DNAH14: variants seen among roughly 807,000 people sequenced by gnomAD.
DNAH14 encodes dynein axonemal heavy chain 14.
In DNAH14, 478 loss-of-function variants were observed where a neutral mutation model predicts 520.9. That is an observed-to-expected ratio of 0.92 (90% CI 0.85 to 0.99). DNAH14 has a LOEUF of 0.99. Ranked by LOEUF, DNAH14 falls within the 50% of genes least tolerant of loss-of-function variation. The pLI is 0.00. For missense variants in DNAH14, 4,831 were observed against 5,234.5 expected (o/e 0.92, Z 2.38); for synonymous variants, 1,581 against 1,757.2 (o/e 0.90, Z 2.51).
chr1:225,361,004 G>A lies in DNAH14; in HGVS notation c.11987+113G>A, dbSNP rs950593803. On this transcript the variant is annotated intron_variant, in intron 75 of 85. Coordinates refer to ENST00000682510, the MANE Select transcript of DNAH14 (RefSeq NM_001367479.1). ...AAACAATAGCAAAATAATGTGCTGA[G>A]CCACTCAGATGAAACTTAACCTATC... The A allele has an allele frequency of 1.5e-4, 144 of 986,244 alleles. 1 individual carries two copies. The Middle Eastern group carries it at 1.5e-3, about 10-fold the overall frequency. The allele number at this position is 986,244 out of a possible 1,614,324, so 61.1% of individuals were successfully genotyped here.
intron 46 of DNAH14, among the ~76,000 whole-genome samples, chr1:225,260,309 G>A (rs1055809767): frequency 1.4e-4 from 21 of 149,022 alleles, no homozygotes; most frequent in Admixed American, 1.0e-3. Context: ...CCAAGATTGC[G>A]CCATTGTACT....
intron 1 of DNAH14, among the ~76,000 whole-genome samples, chr1:224,944,035 A>G (rs2059617782): frequency 6.6e-6 from 1 of 152,160 alleles, no homozygotes; most frequent in South Asian, 2.1e-4. Context: ...GCTGAGTTCA[A>G]TTCCTGGATA....
intron 41 of DNAH14, among the ~76,000 whole-genome samples, 161 bp downstream of exon 41, chr1:225,207,381 A>G (rs1004803440): frequency 2.6e-5 from 4 of 152,250 alleles, no homozygotes; most frequent in Non-Finnish European, 5.9e-5. Context: ...AAAACCATTT[A>G]TAGAGGAACA....
chr1:225,145,442 T>C, intron 30 of DNAH14, 63 bp downstream of exon 30: 5 of 1,270,266 alleles, frequency 3.9e-6, no homozygotes. Flanking sequence ...AACAATTCAT[T>C]GAAGAATAAA....
chr1:225,148,167 G>C (rs2080129769), intron 31 of DNAH14, among the ~76,000 whole-genome samples: 1 of 152,062 alleles, frequency 6.6e-6, no homozygotes, highest in Non-Finnish European at 1.5e-5. Flanking sequence ...GGATTGCTGG[G>C]TCAAATGGTA....
chr1:225,376,031 T>C (rs569632526), intron 78 of DNAH14, among the ~76,000 whole-genome samples: 8 of 150,148 alleles, frequency 5.3e-5, no homozygotes, highest in Non-Finnish European at 1.2e-4. Flanking sequence ...GAGATTTCAG[T>C]GAGCCGAGAT....
At chr1:225,088,170 G>C (rs1312973191) in intron 21 of DNAH14, among the ~76,000 whole-genome samples, 2 of 152,052 alleles carry the variant, frequency 1.3e-5, no homozygotes, top group Non-Finnish European at 2.9e-5. Flanking sequence ...AAGATTAGTA[G>C]ACATGCAAAA....
intron 1 of DNAH14, among the ~76,000 whole-genome samples, chr1:224,933,610 C>T (rs1358427347): frequency 6.6e-6 from 1 of 151,954 alleles, no homozygotes; most frequent in Non-Finnish European, 1.5e-5. Context: ...CCTTTTATGC[C>T]TGGTTTGTTG....
intron 64 of DNAH14, among the ~76,000 whole-genome samples, chr1:225,329,789 A>G (rs2094754141): frequency 6.6e-6 from 1 of 152,156 alleles, no homozygotes; most frequent in Non-Finnish European, 1.5e-5. Context: ...ACCAAAGCAA[A>G]CACGGGCTAA....
chr1:225,388,608 C>A, intron 82 of DNAH14, 117 bp downstream of exon 82: 1 of 589,276 alleles, frequency 1.7e-6, no homozygotes, highest in Non-Finnish European at 2.9e-6. Flanking sequence ...GTGAATTAAG[C>A]AAGGGAGGGA....
At chr1:225,373,823 T>C (rs2095650160) in intron 77 of DNAH14, among the ~76,000 whole-genome samples, 1 of 151,596 alleles carries the variant, frequency 6.6e-6, no homozygotes, top group Admixed American at 6.6e-5. Context: ...AAAGAACTAG[T>C]GGATAAAAGT....
chr1:224,973,362 C>T (rs1315824050), intron 7 of DNAH14, among the ~76,000 whole-genome samples: 1 of 152,218 alleles, frequency 6.6e-6, no homozygotes, highest in Non-Finnish European at 1.5e-5. Flanking sequence ...CATTGGCAAA[C>T]AAGTATCACA....
In DNAH14 at chr1:225,286,153, G is replaced by T. The variant is rs1375592262; in HGVS notation, c.8272-3732G>T. 5.9e-5 allele frequency among the ~76,000 whole-genome samples: 9 copies of T among 152,184 alleles called. No homozygotes were observed. The East Asian group carries it at 1.7e-3, about 29-fold the overall frequency. ...ATTATGGGTATTAGAGGCCAGGAAG[G>T]GGAGAGGAGGGGAGAAAGGGAGAGT... is the stretch of plus-strand genomic sequence containing the variant. On this transcript the variant is annotated intron_variant, in intron 54 of 85. Coordinates refer to ENST00000682510, the MANE Select transcript of DNAH14 (RefSeq NM_001367479.1).
intron 69 of DNAH14, among the ~76,000 whole-genome samples, chr1:225,342,403 T>C (rs983060255): frequency 2.6e-5 from 4 of 152,170 alleles, no homozygotes; most frequent in Non-Finnish European, 4.4e-5. Flanking sequence ...GAAGGAAACC[T>C]GAGTACAGTC....
chr1:225,259,007 A>G (rs1460252653), intron 45 of DNAH14, 114 bp from the exon 46 acceptor site: 6 of 1,179,512 alleles, frequency 5.1e-6, no homozygotes, highest in Non-Finnish European at 6.9e-6. Flanking sequence ...AAGAACAAAA[A>G]AACACTTTTT....
intron 26 of DNAH14, among the ~76,000 whole-genome samples, chr1:225,119,823 T>C (rs1156313663): frequency 6.6e-6 from 1 of 152,216 alleles, no homozygotes; most frequent in African/African-American, 2.4e-5. Flanking sequence ...TAATTATTCA[T>C]TGTTGGTAAT....
intron 55 of DNAH14, among the ~76,000 whole-genome samples, chr1:225,298,183 G>A: frequency 6.6e-6 from 1 of 152,100 alleles, no homozygotes; most frequent in East Asian, 1.9e-4. Flanking sequence ...TGCTTGGCTA[G>A]CCTGGGGGTA....
At chr1:224,991,127 C>T (rs1432794072) in intron 8 of DNAH14, among the ~76,000 whole-genome samples, 1 of 115,364 alleles carries the variant, frequency 8.7e-6, no homozygotes, top group Non-Finnish European at 1.7e-5. Context: ...CGGAGTCTTC[C>T]TCTGTTGCCC....
rs879734100 is a variant in DNAH14 at position 224,972,470 on chromosome 1, AT to A, written c.768-1608del. On this transcript the variant is annotated intron_variant, in intron 7 of 85. Transcript: ENST00000682510. ...AGATGCCTACCACCGCACCTGGCTA[AT>A]TTTTTTTTTTTTGAGATGGAGTCTT... Among the ~76,000 whole-genome samples, 291 of 123,530 alleles carry A rather than the reference AT, an allele frequency of 2.4e-3. 1 individual carries two copies. In the Middle Eastern group the frequency reaches 0.033, roughly 14 times the overall value. 81.0% of individuals were successfully genotyped at this position (123,530 alleles called of 152,430 possible). A position where few individuals can be genotyped will look rare whatever the true frequency, so the allele number is the denominator to read the frequency against.
Sources: gnomAD v4.1 joint callset for allele counts (sites outside exome capture counted in the v4.1 genomes callset) on GRCh38, gnomAD v4.1.1 for gene constraint, MANE v1.5 for transcripts, NCBI Gene and HGNC (gene_info 2026-07-23, HGNC 2026-07-21) for gene names.